The following FAM13C variants were observed in gnomAD, a reference collection of about 807,000 sequenced individuals.
FAM13C encodes the protein protein FAM13C.
A neutral mutation model predicts 73.2 loss-of-function variants in FAM13C; 37 were observed. The observed-to-expected ratio is 0.51, with a 90% CI of 0.39 to 0.67. FAM13C has a LOEUF of 0.67. FAM13C is among the 30% of genes least tolerant of loss of function. The pLI is 0.00. For missense variants in FAM13C, 589 were observed against 715.6 expected (o/e 0.82, Z 2.02); for synonymous variants, 246 against 260.9 (o/e 0.94, Z 0.55).
At chr10:59,303,408 G>A (rs1847832128) in intron 4 of FAM13C, among the ~76,000 whole-genome samples, 1 of 152,112 alleles carries the variant, frequency 6.6e-6, no homozygotes, top group Non-Finnish European at 1.5e-5. Context: ...GCTCCAAGGA[G>A]GTATTGATTA....
chr10:59,355,090 G>C (rs1487459224), intron 2 of FAM13C, among the ~76,000 whole-genome samples: 1 of 151,868 alleles, frequency 6.6e-6, no homozygotes, highest in East Asian at 1.9e-4. Flanking sequence ...AAGCTCTCTG[G>C]GCTGTTTGAT....
chr10:59,360,986 A>G (rs1856337995), intron 1 of FAM13C: 1 of 1,282,272 alleles, frequency 7.8e-7, no homozygotes, highest in Non-Finnish European at 1.0e-6. Flanking sequence ...GCCAGAAAGC[A>G]CTTAGTACTT....
At chr10:59,250,585 G>C (rs1841276560) in intron 13 of FAM13C, among the ~76,000 whole-genome samples, 1 of 152,184 alleles carries the variant, frequency 6.6e-6, no homozygotes, top group Admixed American at 6.5e-5. Context: ...CCACGCATGA[G>C]AGTTTCAAGG....
intron 3 of FAM13C, among the ~76,000 whole-genome samples, chr10:59,343,129 G>A (rs979185149): frequency 5.9e-5 from 9 of 152,150 alleles, no homozygotes; most frequent in Admixed American, 6.5e-5. Context: ...GCAAGACCAC[G>A]ATTATTCCTA....
intron 13 of FAM13C, among the ~76,000 whole-genome samples, chr10:59,250,851 C>G (rs1841302212): frequency 6.6e-6 from 1 of 152,098 alleles, no homozygotes; most frequent in Non-Finnish European, 1.5e-5. Context: ...TGTAGCTTCC[C>G]AAAGTATCCC....
At chr10:59,335,867 A>G (rs1852656734) in intron 3 of FAM13C, among the ~76,000 whole-genome samples, 2 of 152,234 alleles carry the variant, frequency 1.3e-5, no homozygotes, top group African/African-American at 4.8e-5. Flanking sequence ...ATATTTTTGA[A>G]TGAGTTATTA....
intron 1 of FAM13C, among the ~76,000 whole-genome samples, chr10:59,360,017 G>C (rs1856201439): frequency 6.6e-6 from 1 of 152,196 alleles, no homozygotes; most frequent in African/African-American, 2.4e-5. Flanking sequence ...AAACATTGGG[G>C]TGGAAAAAGA....
At chr10:59,273,495 C>A (rs1329349427) in intron 6 of FAM13C, among the ~76,000 whole-genome samples, 2 of 152,086 alleles carry the variant, frequency 1.3e-5, no homozygotes, top group Admixed American at 1.3e-4. Flanking sequence ...ACATAATAAT[C>A]ATCATATCTA....
intron 8 of FAM13C, among the ~76,000 whole-genome samples, chr10:59,266,966 T>A (rs1361820988): frequency 6.6e-6 from 1 of 152,236 alleles, no homozygotes; most frequent in Non-Finnish European, 1.5e-5. Flanking sequence ...ATAAGCATTA[T>A]GTATGTACTT....
intron 3 of FAM13C, among the ~76,000 whole-genome samples, chr10:59,328,075 C>T (rs1455612238): frequency 1.3e-5 from 2 of 152,192 alleles, no homozygotes; most frequent in Non-Finnish European, 2.9e-5. Context: ...CTACCCTCCA[C>T]CTCACCCCTA....
intron 6 of FAM13C, among the ~76,000 whole-genome samples, chr10:59,272,597 G>A (rs1358827849): frequency 6.6e-6 from 1 of 152,168 alleles, no homozygotes; most frequent in Admixed American, 6.5e-5. Flanking sequence ...CCAAGGAAGG[G>A]GCAGCTTGCC....
chr10:59,312,221 A>G (rs1031366596), intron 4 of FAM13C, among the ~76,000 whole-genome samples: 2 of 152,206 alleles, frequency 1.3e-5, no homozygotes, highest in Non-Finnish European at 2.9e-5. Context: ...CAGACTTGCA[A>G]CACTTTAACT....
At chr10:59,345,165 A>T (rs1241760891) in intron 3 of FAM13C, among the ~76,000 whole-genome samples, 3 of 152,198 alleles carry the variant, frequency 2.0e-5, no homozygotes, top group Non-Finnish European at 4.4e-5. Context: ...GCATGTAAGC[A>T]GAGATCAGTC....
At chr10:59,352,870 C>G (rs1813077966) in intron 2 of FAM13C, among the ~76,000 whole-genome samples, 1 of 152,148 alleles carries the variant, frequency 6.6e-6, no homozygotes, top group Non-Finnish European at 1.5e-5. Context: ...AAATCACACG[C>G]CTAATGGAAG....
At chr10:59,297,703 C>G (rs980146058) in intron 5 of FAM13C, among the ~76,000 whole-genome samples, 2 of 152,152 alleles carry the variant, frequency 1.3e-5, no homozygotes, top group African/African-American at 4.8e-5. Flanking sequence ...TCAAGGATCT[C>G]AAACCTTCTA....
At chr10:59,354,172 C>G (rs1331991494) in intron 2 of FAM13C, among the ~76,000 whole-genome samples, 1 of 152,126 alleles carries the variant, frequency 6.6e-6, no homozygotes, top group Non-Finnish European at 1.5e-5. Flanking sequence ...TAGACTCATT[C>G]CCAAAATAAT....
chr10:59,299,401 AT>A (rs1847292531), intron 5 of FAM13C, among the ~76,000 whole-genome samples: 1 of 151,866 alleles, frequency 6.6e-6, no homozygotes, highest in Admixed American at 6.6e-5. Context: ...GAGTCTACCA[AT>A]TTTTTTCTCA....
chr10:59,362,620 G>C, upstream of FAM13C: 8 of 1,444,942 alleles, frequency 5.5e-6, no homozygotes, highest in Non-Finnish European at 7.3e-6. Flanking sequence ...CCCCCAGCAG[G>C]GGCCCAGCGG....
intron 6 of FAM13C, chr10:59,282,414 A>C (rs1244553746): frequency 6.6e-6 from 1 of 152,064 alleles, no homozygotes; most frequent in African/African-American, 2.4e-5. Flanking sequence ...AATTTGTTTA[A>C]ATTGTTCATT....
Sources: gnomAD v4.1 joint callset for allele counts (sites outside exome capture counted in the v4.1 genomes callset) on GRCh38, gnomAD v4.1.1 for gene constraint, MANE v1.5 for transcripts, NCBI Gene and HGNC (gene_info 2026-07-23, HGNC 2026-07-21) for gene names.